GALNT2: variants seen among roughly 807,000 people sequenced by gnomAD.
The protein encoded by GALNT2 is polypeptide N-acetylgalactosaminyltransferase 2, also known as UDP-GalNAc:polypeptide N-acetylgalactosaminyltransferase 2.
In GALNT2, 31 loss-of-function variants were observed where a neutral mutation model predicts 81.4. The observed-to-expected ratio is 0.38, with a 90% CI of 0.29 to 0.51. GALNT2 has a LOEUF of 0.51. GALNT2 is among the 20% of genes least tolerant of loss of function. The pLI, the probability that GALNT2 is intolerant of heterozygous loss-of-function variation, is 0.87. For synonymous variants in GALNT2, 303 were observed against 287.4 expected (o/e 1.05, Z -0.55); for missense variants, 629 against 765.7 (o/e 0.82, Z 2.11).
chr1:230,236,090 G>C lies in GALNT2; in HGVS notation c.451G>C (p.Ala151Pro). Residue 151 changes from alanine to proline, a missense_variant, in exon 4 of 16, where the codon GCC becomes CCC. Physicochemically the swap from Ala to Pro is conservative, Grantham distance 27. Around this residue, in one of 3 missense-constraint regions of GALNT2, gnomAD observed 360 missense variants for 492.8 expected, o/e 0.73. Coordinates refer to ENST00000366672, the MANE Select transcript of GALNT2 (RefSeq NM_004481.5). ...VITFHNEARS[A>P]LLRTVVSVLK... ...CACGTTTCACAATGAAGCCAGGTCG[G>C]CCCTACTCAGGACCGTGGTCAGGTG... The C allele has an allele frequency of 6.2e-7, 1 of 1,614,018 alleles. No homozygotes were observed.
intron 15 of GALNT2, among the ~76,000 whole-genome samples, chr1:230,276,178 CAT>C (rs1344015892): frequency 2.0e-5 from 3 of 151,902 alleles, no homozygotes; most frequent in South Asian, 4.1e-4. Context: ...CACACACACA[CAT>C]ATACACACAG....
At chr1:230,197,776 A>G (rs1332647482) in intron 2 of GALNT2, among the ~76,000 whole-genome samples, 1 of 152,000 alleles carries the variant, frequency 6.6e-6, no homozygotes, top group African/African-American at 2.4e-5. Context: ...ATGCGTGCGT[A>G]CATGCGTGCG....
At chr1:230,137,189 G>A (rs1661576599) in intron 1 of GALNT2, among the ~76,000 whole-genome samples, 1 of 152,226 alleles carries the variant, frequency 6.6e-6, no homozygotes, top group South Asian at 2.1e-4. Context: ...TGGAGCCTGA[G>A]TGGATGCAGG....
intron 5 of GALNT2, 85 bp downstream of exon 5, chr1:230,236,505 G>A: frequency 1.4e-6 from 2 of 1,463,328 alleles, no homozygotes; most frequent in Admixed American, 3.6e-5. Context: ...AATGAGGCGT[G>A]AACAAGCCAG....
At chr1:230,100,553 C>T (rs1375731149) in intron 1 of GALNT2, among the ~76,000 whole-genome samples, 1 of 152,132 alleles carries the variant, frequency 6.6e-6, no homozygotes, top group African/African-American at 2.4e-5. Context: ...CTCGAACTCG[C>T]CACCTCAGGC....
chr1:230,275,447 G>A lies in GALNT2; in HGVS notation c.1560+883G>A, dbSNP rs138881806. 7.4e-3 allele frequency among the ~76,000 whole-genome samples: 1,028 copies of A among 138,198 alleles called. 6 individuals carry two copies. Among genetic ancestry groups the A allele is most frequent in the Middle Eastern group, 0.017 (3 of 180 alleles). 90.7% of individuals were successfully genotyped at this position (138,198 alleles called of 152,430 possible). ...ATATACACACCACATATATATACAC[G>A]CCACATATATACATATATACAAACA... On this transcript the variant is annotated intron_variant, in intron 15 of 15. Transcript: ENST00000366672. The surrounding 1 kb of genome is among the most constrained non-coding windows in gnomAD (Gnocchi z 5.5).
intron 1 of GALNT2, among the ~76,000 whole-genome samples, chr1:230,142,431 G>A (rs996044904): frequency 5.9e-5 from 9 of 152,240 alleles, no homozygotes; most frequent in East Asian, 1.9e-4. Context: ...TTAAGGGCCC[G>A]GGCTTATATC....
intron 10 of GALNT2, among the ~76,000 whole-genome samples, chr1:230,251,446 A>ATG (rs1468914958): frequency 6.6e-6 from 1 of 152,140 alleles, no homozygotes; most frequent in African/African-American, 2.4e-5. Context: ...TTGTTTTATG[A>ATG]TGTTGAAGTC....
At chr1:230,089,486 T>C (rs190491571) in intron 1 of GALNT2, among the ~76,000 whole-genome samples, 3 of 152,272 alleles carry the variant, frequency 2.0e-5, no homozygotes, top group East Asian at 3.9e-4. Flanking sequence ...TGACATTGTG[T>C]TCACATTGTT....
intron 1 of GALNT2, among the ~76,000 whole-genome samples, chr1:230,071,582 G>A (rs1041302085): frequency 6.6e-6 from 1 of 152,128 alleles, no homozygotes; most frequent in African/African-American, 2.4e-5. Context: ...ATGACTTGAG[G>A]TGGAGCATGG....
chr1:230,121,114 T>A (rs1013235693), intron 1 of GALNT2, among the ~76,000 whole-genome samples: 1 of 152,354 alleles, frequency 6.6e-6, no homozygotes, highest in African/African-American at 2.4e-5. Context: ...AACGCAATGA[T>A]CTCCAGCCAG....
intron 1 of GALNT2, among the ~76,000 whole-genome samples, chr1:230,079,489 C>T (rs1659663149): frequency 6.6e-6 from 1 of 152,250 alleles, no homozygotes; most frequent in Non-Finnish European, 1.5e-5. Flanking sequence ...TTCAGTGTTC[C>T]TCCACCTGCC....
intron 1 of GALNT2, among the ~76,000 whole-genome samples, chr1:230,101,335 C>T (rs1355271312): frequency 6.6e-6 from 1 of 152,186 alleles, no homozygotes. Context: ...CTTCTCCCAC[C>T]GCCAGTCCTT....
intron 3 of GALNT2, among the ~76,000 whole-genome samples, chr1:230,225,654 C>G (rs1389404376): frequency 6.7e-6 from 1 of 149,816 alleles, no homozygotes; most frequent in Non-Finnish European, 1.5e-5. Context: ...AATGGGAAAT[C>G]AAAATCTGGA....
chr1:230,072,000 T>A (rs1227542611), intron 1 of GALNT2, among the ~76,000 whole-genome samples: 1 of 152,024 alleles, frequency 6.6e-6, no homozygotes, highest in African/African-American at 2.4e-5. Context: ...TTGCCCAGGC[T>A]CTGTTGGACC....
At chr1:230,075,688 G>T (rs890151614) in intron 1 of GALNT2, among the ~76,000 whole-genome samples, 1 of 152,186 alleles carries the variant, frequency 6.6e-6, no homozygotes, top group South Asian at 2.1e-4. Context: ...TCTAGTGGGG[G>T]GCTGCGGGGA....
intron 3 of GALNT2, among the ~76,000 whole-genome samples, chr1:230,231,337 TCA>T (rs1163959544): frequency 1.3e-5 from 2 of 152,204 alleles, no homozygotes; most frequent in Non-Finnish European, 2.9e-5. Flanking sequence ...ATGTTAGTTG[TCA>T]CACATTACAC....
chr1:230,256,706 C>T (rs1665726783), intron 11 of GALNT2, among the ~76,000 whole-genome samples: 1 of 152,182 alleles, frequency 6.6e-6, no homozygotes, highest in South Asian at 2.1e-4. Context: ...GCCAAGTGTC[C>T]TTCTAGGGAA....
At chr1:230,081,577 T>C (rs1571938362) in intron 1 of GALNT2, among the ~76,000 whole-genome samples, 1 of 152,294 alleles carries the variant, frequency 6.6e-6, no homozygotes, top group Non-Finnish European at 1.5e-5. Flanking sequence ...AAACTGCAGA[T>C]GAGTGACAAG....
Sources: gnomAD v4.1 joint callset for allele counts (sites outside exome capture counted in the v4.1 genomes callset) on GRCh38, gnomAD v4.1.1 for gene constraint, gnomAD v4.1.1 regional missense constraint, Gnocchi (gnomAD v3.1) non-coding constraint, MANE v1.5 for transcripts, NCBI Gene and HGNC (gene_info 2026-07-23, HGNC 2026-07-21) for gene names.